Variants in PCDHGB5 observed in about 807,000 individuals in gnomAD.
PCDHGB5 encodes the protein protocadherin gamma-B5.
PCDHGB5 carries 48 observed loss-of-function variants against 62.9 expected under a neutral mutation model. The observed-to-expected ratio is 0.76, with a 90% CI of 0.61 to 0.97. The LOEUF is 0.97. Among genes scored for constraint, PCDHGB5 ranks in the 50% least tolerant of loss-of-function variants. The pLI is 0.00. For missense variants in PCDHGB5, 1,118 were observed against 1,198.6 expected, an observed-to-expected ratio of 0.93 and a Z score of 0.99; for synonymous variants, 474 against 511.2, an observed-to-expected ratio of 0.93 and a Z score of 0.98.
intron 1 of PCDHGB5, among the ~76,000 whole-genome samples, chr5:141,435,592 C>T (rs573084790): frequency 1.3e-5 from 2 of 152,060 alleles, no homozygotes; most frequent in African/African-American, 2.4e-5. Flanking sequence ...GCAGTAATAT[C>T]GCCTGCTTTT....
At position 141,432,730 on chromosome 5, in the gene PCDHGB5, T is replaced by A; in HGVS notation, c.2397+32206T>A. 6.2e-7 allele frequency: 1 copy of A among 1,614,052 alleles called. No homozygotes were observed. Among genetic ancestry groups the A allele is most frequent in the Non-Finnish European group, 8.5e-7 (1 of 1,179,976 alleles). Reference sequence around the variant, plus strand: ...ACGGCCAGCCCCCTCTCTCCGCCACTGTCACGCTCACCGTGGCCGTGGCCG... The same window carrying A: ...ACGGCCAGCCCCCTCTCTCCGCCACAGTCACGCTCACCGTGGCCGTGGCCG... On this transcript the variant is annotated intron_variant, in intron 1 of 3. Transcript: ENST00000617380. The surrounding 1 kb of genome is among the most constrained non-coding windows in gnomAD (Gnocchi z 6.0).
rs1213653891 is a variant in PCDHGB5 at position 141,419,687 on chromosome 5, C to T, written c.2397+19163C>T. 1.9e-6 allele frequency: 3 copies of T among 1,612,692 alleles called. No individual in the cohort carries two copies. In the African/African-American group the frequency reaches 4.0e-5, roughly 22 times the overall value. On this transcript the variant is annotated intron_variant, in intron 1 of 3. Transcript: ENST00000617380. ...TGCCTGGCTGTCCTACCACGTGGTG[C>T]AGGCCAGTGAGCCCGGGCTCTTCAG...
Position 141,485,449 on chromosome 5 carries a change from A to G in PCDHGB5, c.2398-9358A>G, listed in dbSNP as rs2099613844. 6.2e-7 allele frequency: 1 copy of G among 1,614,054 alleles called. No homozygotes were observed. The highest frequency in any genetic ancestry group is 2.2e-5 in the East Asian group (1 of 44,876). On this transcript the variant is annotated intron_variant, in intron 1 of 3. Coordinates refer to ENST00000617380, the MANE Select transcript of PCDHGB5 (RefSeq NM_018925.3). The surrounding 1 kb of genome is among the most constrained non-coding windows in gnomAD (Gnocchi z 5.7). ...TGCTCATCAAGAACCCAATCGACCG[A>G]GAGGCACTGTGTGGGCTCAGTGCCA...
At chr5:141,419,797 A>G (rs371201079) in intron 1 of PCDHGB5, 14 of 1,613,920 alleles carry the variant, frequency 8.7e-6, no homozygotes, top group Non-Finnish European at 1.1e-5. Flanking sequence ...TAGTCGCTGT[A>G]AGAGATGGAG....
intron 1 of PCDHGB5, chr5:141,414,350 C>G (rs1450829111): frequency 6.2e-7 from 1 of 1,613,726 alleles, no homozygotes; most frequent in East Asian, 2.2e-5. Context: ...TCCATTTTGG[C>G]GTATCTACCA....
intron 1 of PCDHGB5, among the ~76,000 whole-genome samples, chr5:141,435,715 A>G (rs528951395): frequency 6.6e-6 from 1 of 152,328 alleles, no homozygotes; most frequent in African/African-American, 2.4e-5. Context: ...ACAGACACTG[A>G]ATGCTAAAGT....
intron 1 of PCDHGB5, chr5:141,418,984 C>T: frequency 6.2e-7 from 1 of 1,613,930 alleles, no homozygotes; most frequent in African/African-American, 1.3e-5. Flanking sequence ...GGGACCAAGA[C>T]TCAGGGGAAA....
At chr5:141,468,995 T>G (rs533843461) in intron 1 of PCDHGB5, among the ~76,000 whole-genome samples, 1 of 147,628 alleles carries the variant, frequency 6.8e-6, no homozygotes, top group Non-Finnish European at 1.5e-5. Context: ...TTATTGTTTT[T>G]GCTGGGTGCG....
intron 2 of PCDHGB5, among the ~76,000 whole-genome samples, chr5:141,502,865 T>C (rs538731947): frequency 3.0e-5 from 4 of 131,428 alleles, no homozygotes; most frequent in Non-Finnish European, 6.3e-5. Context: ...TGACTCTCTG[T>C]CTTTTTTTTT....
intron 1 of PCDHGB5, among the ~76,000 whole-genome samples, chr5:141,436,781 A>T (rs1041532929): frequency 6.6e-6 from 1 of 152,236 alleles, no homozygotes; most frequent in Non-Finnish European, 1.5e-5. Context: ...TGTGGATGGA[A>T]ATAAAACTGT....
At chr5:141,421,489 G>A in intron 1 of PCDHGB5, 1 of 1,614,094 alleles carries the variant, frequency 6.2e-7, no homozygotes, top group Non-Finnish European at 8.5e-7. Flanking sequence ...CTTGATCACG[G>A]CAGGCAGGAT....
intron 1 of PCDHGB5, chr5:141,478,825 T>G: frequency 1.4e-6 from 2 of 1,441,878 alleles, no homozygotes; most frequent in East Asian, 5.0e-5. Context: ...TAACCAATCT[T>G]GCTAAGGGAT....
At position 141,400,189 on chromosome 5, in the gene PCDHGB5, C is replaced by G. The variant is rs376855933; in HGVS notation, c.2062C>G (p.Leu688Val). Residue 688 changes from leucine to valine, a missense_variant, in exon 1 of 4, where the codon CTA becomes GTA. Physicochemically the swap from Leu to Val is conservative, Grantham distance 32. This residue lies in a region of PCDHGB5 where 1,034 missense variants were observed against 1,029.1 expected (regional missense o/e 1.00). Transcript: ENST00000617380. ...CCCCCAGGCTGAGCTGCAGTTTTAC[C>G]TAGTGGTGGCCTTGGCCTTGATCTC... ...SDPQAELQFY[L>V]VVALALISVL... The G allele has an allele frequency of 1.2e-6, 2 of 1,614,056 alleles. No individual in the cohort carries two copies. Among genetic ancestry groups the G allele is most frequent in the Non-Finnish European group, 1.7e-6 (2 of 1,179,906 alleles).
In PCDHGB5 at chr5:141,410,925, C is replaced by T. The variant is rs576126485; in HGVS notation, c.2397+10401C>T. The T allele has an allele frequency of 2.3e-5, 5 of 217,506 alleles. No individual in the cohort carries two copies. The East Asian group carries it at 5.8e-4, about 25-fold the overall frequency. 13.5% of individuals were successfully genotyped at this position (217,506 alleles called of 1,614,324 possible). Reference sequence around the variant, plus strand: ...CTGGAGTGCAGTGGCGTGATCTCTGCTCACTGCAACCTCCGCCTTCTGGGT... The same window carrying T: ...CTGGAGTGCAGTGGCGTGATCTCTGTTCACTGCAACCTCCGCCTTCTGGGT... On this transcript the variant is annotated intron_variant, in intron 1 of 3. Coordinates refer to ENST00000617380, the MANE Select transcript of PCDHGB5 (RefSeq NM_018925.3).
intron 1 of PCDHGB5, among the ~76,000 whole-genome samples, chr5:141,458,368 A>C (rs934670055): frequency 3.9e-5 from 6 of 152,112 alleles, no homozygotes; most frequent in Admixed American, 3.9e-4. Flanking sequence ...GAAGGAAGGG[A>C]GAAGAGAGAA....
At chr5:141,495,923 T>G (rs1337381299) in intron 2 of PCDHGB5, among the ~76,000 whole-genome samples, 4 of 152,306 alleles carry the variant, frequency 2.6e-5, no homozygotes, top group South Asian at 2.1e-4. Context: ...TTTCTTTGTC[T>G]CTGTCTCTGG....
chr5:141,494,431 T>C (rs1403792155), intron 1 of PCDHGB5, among the ~76,000 whole-genome samples: 1 of 152,158 alleles, frequency 6.6e-6, no homozygotes, highest in Non-Finnish European at 1.5e-5. Context: ...TTGAAAAGCC[T>C]CCTTTGCCAC....
intron 1 of PCDHGB5, among the ~76,000 whole-genome samples, chr5:141,481,400 T>C (rs2154578591): frequency 6.6e-6 from 1 of 152,358 alleles, no homozygotes; most frequent in East Asian, 1.9e-4. Context: ...GTGACAAAAT[T>C]CTTGTATAAT....
chr5:141,403,201 C>G (rs1486888915), intron 1 of PCDHGB5: 1 of 1,614,002 alleles, frequency 6.2e-7, no homozygotes, highest in East Asian at 2.2e-5. Context: ...GCAGCGGCAC[C>G]TTGGTCACCG....
Sources: allele counts gnomAD v4.1 joint callset (sites outside exome capture counted in the v4.1 genomes callset), GRCh38; gene constraint gnomAD v4.1.1; regional missense constraint gnomAD v4.1.1; non-coding constraint Gnocchi (gnomAD v3.1); transcripts MANE v1.5; gene names NCBI Gene and HGNC (gene_info 2026-07-23, HGNC 2026-07-21).